EYS: variants seen among roughly 807,000 people sequenced by gnomAD.
EYS encodes the protein protein eyes shut homolog.
EYS carries 250 observed loss-of-function variants against 282.1 expected under a neutral mutation model. The ratio of observed to expected loss-of-function variants is 0.89; its 90% CI spans 0.80 to 0.98. EYS has a LOEUF of 0.98. Ranked by LOEUF, EYS falls within the 50% of genes least tolerant of loss-of-function variation. EYS has a pLI of 0.00. For missense variants in EYS, 4,016 were observed against 3,709.0 expected (o/e 1.08, Z -2.15); for synonymous variants, 1,355 against 1,282.9 (o/e 1.06, Z -1.20).
chr6:63,992,107 T>C (rs1182130421), intron 34 of EYS, among the ~76,000 whole-genome samples: 1 of 151,782 alleles, frequency 6.6e-6, no homozygotes, highest in East Asian at 1.9e-4. Context: ...GTTTTTCCAG[T>C]TGAAATAGAA....
chr6:65,319,794 G>A (rs1047657551), intron 11 of EYS, among the ~76,000 whole-genome samples: 12 of 152,266 alleles, frequency 7.9e-5, no homozygotes, highest in Non-Finnish European at 1.5e-4. Context: ...GGAAGTGGCT[G>A]CTTGGTTATC....
intron 26 of EYS, among the ~76,000 whole-genome samples, chr6:64,526,531 C>A (rs2150528974): frequency 6.6e-6 from 1 of 151,568 alleles, no homozygotes. Context: ...ACATATTGAC[C>A]ATTTAACATA....
At chr6:65,462,381 A>G (rs1764854721) in intron 5 of EYS, among the ~76,000 whole-genome samples, 1 of 152,106 alleles carries the variant, frequency 6.6e-6, no homozygotes, top group African/African-American at 2.4e-5. Context: ...TATCCTAATT[A>G]TAACGGTGAT....
At chr6:64,169,289 T>G (rs1012163089) in intron 31 of EYS, among the ~76,000 whole-genome samples, 1 of 152,004 alleles carries the variant, frequency 6.6e-6, no homozygotes, top group Non-Finnish European at 1.5e-5. Context: ...ATGCAGATAC[T>G]GATAAGAAAA....
At chr6:64,558,215 T>C (rs562187651) in intron 26 of EYS, among the ~76,000 whole-genome samples, 1 of 152,038 alleles carries the variant, frequency 6.6e-6, no homozygotes, top group Non-Finnish European at 1.5e-5. Context: ...CTAAATATTT[T>C]TATAATATTT....
chr6:64,766,646 AAAAATATATATATAT>A (rs1167847761), intron 22 of EYS, among the ~76,000 whole-genome samples: 17 of 14,044 alleles, frequency 1.2e-3, no homozygotes, highest in African/African-American at 3.6e-3. Context: ...AAAAAAAAAA[AAAAATATATATATAT>A]ATATATATAT....
At chr6:65,043,185 C>T (rs900264526) in intron 13 of EYS, among the ~76,000 whole-genome samples, 10 of 151,512 alleles carry the variant, frequency 6.6e-5, no homozygotes, top group African/African-American at 2.4e-4. Context: ...ATTAATATAT[C>T]TATTACTTCA....
chr6:64,617,126 C>T (rs1022474349), intron 24 of EYS, among the ~76,000 whole-genome samples: 1 of 152,144 alleles, frequency 6.6e-6, no homozygotes, highest in Admixed American at 6.6e-5. Context: ...CTGGCATCCT[C>T]CTTCCAAATG....
At position 64,591,338 on chromosome 6, in the gene EYS, G is replaced by A. The variant is rs2149832035; in HGVS notation, c.4529C>T (p.Ser1510Leu). ...TGTACTGAACCGGTGCAGAGCTGAT[G>A]AGTTTAAGATGGTTACCTGTTTAGA... ...IISKQVTILN[S>L]SALHRFSTKA... Residue 1510 changes from serine to leucine, a missense_variant, in exon 26 of 43, where the codon TCA becomes TTA. Ser to Leu is a moderately radical substitution (Grantham distance 145). Transcript: ENST00000503581. 1 of 1,551,378 alleles carries A rather than the reference G, an allele frequency of 6.4e-7. No individual in the cohort carries two copies. Among genetic ancestry groups the A allele is most frequent in the Non-Finnish European group, 8.7e-7 (1 of 1,146,784 alleles).
At chr6:64,989,799 T>TACACACAC (rs3033931) in intron 14 of EYS, among the ~76,000 whole-genome samples, 2 of 140,148 alleles carry the variant, frequency 1.4e-5, no homozygotes, top group African/African-American at 2.6e-5. Flanking sequence ...TATATATTCA[T>TACACACAC]ACACACACAC....
At chr6:64,902,908 G>A (rs1375927856) in intron 16 of EYS, among the ~76,000 whole-genome samples, 1 of 151,980 alleles carries the variant, frequency 6.6e-6, no homozygotes, top group East Asian at 1.9e-4. Flanking sequence ...AGCAGATGAA[G>A]CAAATTATTT....
intron 19 of EYS, among the ~76,000 whole-genome samples, chr6:64,876,391 G>A (rs1766752579): frequency 6.6e-6 from 1 of 152,160 alleles, no homozygotes; most frequent in East Asian, 1.9e-4. Context: ...TAATCACTAA[G>A]CAGTTACATG....
intron 16 of EYS, among the ~76,000 whole-genome samples, chr6:64,911,853 G>C (rs1389924768): frequency 3.3e-5 from 5 of 152,052 alleles, no homozygotes; most frequent in Non-Finnish European, 7.4e-5. Flanking sequence ...CATATGAAGA[G>C]ACCCCAATCA....
At chr6:65,433,995 C>T (rs764420087) in intron 5 of EYS, among the ~76,000 whole-genome samples, 1 of 152,182 alleles carries the variant, frequency 6.6e-6, no homozygotes, top group East Asian at 1.9e-4. Context: ...CACAGCTCTT[C>T]CTAAGCATCA....
At chr6:64,079,627 G>A (rs902623140) in intron 32 of EYS, among the ~76,000 whole-genome samples, 1 of 151,960 alleles carries the variant, frequency 6.6e-6, no homozygotes, top group South Asian at 2.1e-4. Context: ...CAACATGCAG[G>A]TTTGTTACAT....
At chr6:64,625,835 T>A (rs780712112) in intron 23 of EYS, among the ~76,000 whole-genome samples, 1 of 152,164 alleles carries the variant, frequency 6.6e-6, no homozygotes, top group Non-Finnish European at 1.5e-5. Context: ...GATACAAAGA[T>A]CAGAAGTATG....
intron 35 of EYS, among the ~76,000 whole-genome samples, chr6:63,881,593 C>T (rs1327361823): frequency 2.0e-5 from 3 of 152,122 alleles, no homozygotes; most frequent in Non-Finnish European, 4.4e-5. Context: ...AATATACATA[C>T]TTAAATACGT....
intron 26 of EYS, among the ~76,000 whole-genome samples, chr6:64,534,933 A>T (rs1308137192): frequency 6.6e-6 from 1 of 152,124 alleles, no homozygotes; most frequent in African/African-American, 2.4e-5. Flanking sequence ...ATGCACACAC[A>T]CATACATACA....
chr6:65,071,465 A>G (rs1052545193), intron 12 of EYS, among the ~76,000 whole-genome samples: 3 of 151,798 alleles, frequency 2.0e-5, no homozygotes, highest in African/African-American at 4.8e-5. Context: ...TAGTTTTTAG[A>G]TTTCTGTGAA....
Sources: allele counts gnomAD v4.1 joint callset (sites outside exome capture counted in the v4.1 genomes callset), GRCh38; gene constraint gnomAD v4.1.1; transcripts MANE v1.5; gene names NCBI Gene and HGNC (gene_info 2026-07-23, HGNC 2026-07-21).